CSRNP3: variants seen among roughly 807,000 people sequenced by gnomAD.
CSRNP3 encodes cysteine and serine rich nuclear protein 3.
In CSRNP3, 12 loss-of-function variants were observed where a neutral mutation model predicts 48.0. The observed-to-expected ratio is 0.25, with a 90% CI of 0.16 to 0.41. The LOEUF (loss-of-function observed/expected upper bound fraction) is 0.41. Ranked by LOEUF, CSRNP3 falls within the 10% of genes least tolerant of loss-of-function variation. The pLI, the probability that CSRNP3 is intolerant of heterozygous loss-of-function variation, is 1.00. For missense variants in CSRNP3, 580 were observed against 724.4 expected (o/e 0.80, Z 2.29); for synonymous variants, 263 against 269.7 (o/e 0.98, Z 0.24).
chr2:165,478,662 T>C (rs1211349124), intron 1 of CSRNP3, among the ~76,000 whole-genome samples: 1 of 152,236 alleles, frequency 6.6e-6, no homozygotes, highest in East Asian at 1.9e-4. Flanking sequence ...TCACAGTCTA[T>C]TAAGAAATTG....
At chr2:165,562,205 C>A (rs1197197734) in intron 3 of CSRNP3, among the ~76,000 whole-genome samples, 1 of 152,088 alleles carries the variant, frequency 6.6e-6, no homozygotes, top group Non-Finnish European at 1.5e-5. Flanking sequence ...TAACTGTGTG[C>A]AAAATCACAG....
At chr2:165,571,393 T>A (rs1685371401) in intron 3 of CSRNP3, among the ~76,000 whole-genome samples, 1 of 151,994 alleles carries the variant, frequency 6.6e-6, no homozygotes, top group South Asian at 2.1e-4. Context: ...AACTAAATAG[T>A]TCTGTATTTG....
At chr2:165,653,086 CTT>C (rs1686941685) in intron 4 of CSRNP3, among the ~76,000 whole-genome samples, 2 of 152,116 alleles carry the variant, frequency 1.3e-5, no homozygotes, top group South Asian at 4.1e-4. Flanking sequence ...GGCAGAGACT[CTT>C]TTTTATGACT....
chr2:165,480,488 G>T, intron 1 of CSRNP3, among the ~76,000 whole-genome samples: 1 of 152,036 alleles, frequency 6.6e-6, no homozygotes, highest in South Asian at 2.1e-4. Flanking sequence ...AACAGTGCTT[G>T]GCACATAGTA....
At chr2:165,501,878 A>C (rs1003909407) in intron 2 of CSRNP3, among the ~76,000 whole-genome samples, 1 of 152,116 alleles carries the variant, frequency 6.6e-6, no homozygotes, top group African/African-American at 2.4e-5. Flanking sequence ...ATTTATGCAT[A>C]CACTATTGCC....
intron 4 of CSRNP3, among the ~76,000 whole-genome samples, chr2:165,597,044 C>T (rs370455395): frequency 6.6e-6 from 1 of 152,282 alleles, no homozygotes; most frequent in South Asian, 2.1e-4. Flanking sequence ...GATATATATA[C>T]ATGTCCTACC....
intron 3 of CSRNP3, among the ~76,000 whole-genome samples, chr2:165,540,299 A>C (rs1684936788): frequency 6.6e-6 from 1 of 152,032 alleles, no homozygotes; most frequent in Non-Finnish European, 1.5e-5. Flanking sequence ...TTTTGTTTGC[A>C]GCCCAGTGTT....
At position 165,575,696 on chromosome 2, in the gene CSRNP3, A is replaced by G. The variant is rs191835756; in HGVS notation, c.-23-19347A>G. 9.2e-5 allele frequency among the ~76,000 whole-genome samples: 14 copies of G among 152,114 alleles called. No homozygotes were observed. In the East Asian group the frequency reaches 2.3e-3, roughly 25 times the overall value. ...TAAAATAGAGGGGGGATTGAGGAGG[A>G]ACCACAACAGGAGGATAGCTATTTA... On this transcript the variant is annotated intron_variant, in intron 3 of 6. Transcript: ENST00000651982.
chr2:165,660,097 A>G (rs1462165327), intron 5 of CSRNP3, among the ~76,000 whole-genome samples: 1 of 152,140 alleles, frequency 6.6e-6, no homozygotes, highest in Non-Finnish European at 1.5e-5. Flanking sequence ...AAATTCTCAG[A>G]TTTGCTTCTC....
Position 165,684,617 on chromosome 2 carries a change from C to T in CSRNP3, c.*4864C>T, listed in dbSNP as rs1398862211. 1 of 151,796 alleles carries T rather than the reference C, an allele frequency of 6.6e-6. No individual in the cohort carries two copies. The highest frequency in any genetic ancestry group is 6.6e-5 in the Admixed American group (1 of 15,228). 9.4% of individuals were successfully genotyped at this position (151,796 alleles called of 1,614,324 possible). ...TCACCTTCTGATTGCATTACTTTTTCTGAAATCTGCTAACTAGTGCTGGAA... is the reference window on the plus strand; with the variant it reads ...TCACCTTCTGATTGCATTACTTTTTTTGAAATCTGCTAACTAGTGCTGGAA... On this transcript the variant is annotated 3_prime_UTR_variant, in exon 7 of 7. Transcript: ENST00000651982.
At chr2:165,554,931 T>C (rs1040897359) in intron 3 of CSRNP3, among the ~76,000 whole-genome samples, 4 of 152,148 alleles carry the variant, frequency 2.6e-5, no homozygotes, top group African/African-American at 9.7e-5. Flanking sequence ...TCTGACTTCA[T>C]CTCCTCACTC....
rs1026523258 is a variant in CSRNP3, at chr2:165,535,910, C to A, written c.-24+17949C>A. On this transcript the variant is annotated intron_variant, in intron 3 of 6. Transcript: ENST00000651982. ...GCCATATTTAGTCATTCTAGAAACA[C>A]CAGAATTATTAGGATTTGAAAATTT... Among the ~76,000 whole-genome samples, 9 of 151,870 alleles carry A rather than the reference C, an allele frequency of 5.9e-5. No individual in the cohort carries two copies. The East Asian group carries it at 1.4e-3, about 23-fold the overall frequency.
intron 4 of CSRNP3, among the ~76,000 whole-genome samples, chr2:165,642,890 A>C (rs576562408): frequency 9.9e-5 from 15 of 152,048 alleles, no homozygotes; most frequent in Non-Finnish European, 1.9e-4. Flanking sequence ...TTATTTTTCA[A>C]ATTTGCTCTG....
chr2:165,565,002 C>A (rs1685279712), intron 3 of CSRNP3, among the ~76,000 whole-genome samples: 1 of 151,946 alleles, frequency 6.6e-6, no homozygotes, highest in African/African-American at 2.4e-5. Context: ...AACTTTAAAG[C>A]ACCTCACTGT....
At chr2:165,603,389 C>T (rs6739826) in intron 4 of CSRNP3, among the ~76,000 whole-genome samples, 40,106 of 152,068 alleles carry the variant, frequency 0.26, 5,996 homozygotes, top group Admixed American at 0.39. Flanking sequence ...TCTTTTACCA[C>T]CACTCCATTT....
intron 3 of CSRNP3, among the ~76,000 whole-genome samples, chr2:165,589,347 A>G (rs1188957646): frequency 6.6e-6 from 1 of 152,210 alleles, no homozygotes; most frequent in Non-Finnish European, 1.5e-5. Context: ...TAAACAATGG[A>G]CCATTTGGCC....
chr2:165,592,832 C>T (rs1486585512), intron 3 of CSRNP3, among the ~76,000 whole-genome samples: 5 of 129,044 alleles, frequency 3.9e-5, no homozygotes, highest in Non-Finnish European at 6.3e-5. Flanking sequence ...GACGGAGTCT[C>T]GCTCTGTCGC....
chr2:165,476,175 T>C (rs4625921), intron 1 of CSRNP3, among the ~76,000 whole-genome samples: 55,054 of 152,052 alleles, frequency 0.36, 10,004 homozygotes, highest in African/African-American at 0.42. Context: ...TAAAATTGTT[T>C]GGCAATATTT....
intron 3 of CSRNP3, among the ~76,000 whole-genome samples, chr2:165,549,687 A>C (rs1225785410): frequency 3.9e-5 from 6 of 152,168 alleles, no homozygotes. Flanking sequence ...AATATGACAC[A>C]ATGTAGCATG....
Sources: allele counts gnomAD v4.1 joint callset (sites outside exome capture counted in the v4.1 genomes callset), GRCh38; gene constraint gnomAD v4.1.1; transcripts MANE v1.5; gene names NCBI Gene and HGNC (gene_info 2026-07-23, HGNC 2026-07-21).